PDE11A: variants seen among roughly 807,000 people sequenced by gnomAD.
PDE11A encodes the protein phosphodiesterase 11A.
A neutral mutation model predicts 100.5 loss-of-function variants in PDE11A; 100 were observed. The observed-to-expected ratio is 1.00, with a 90% confidence interval of 0.85 to 1.18. The LOEUF is 1.18. PDE11A is among the 50% of genes most tolerant of loss of function. The probability of loss-of-function intolerance (pLI) is 0.00; values close to 1 mark genes in which losing one functional copy is unlikely to be tolerated. For missense variants in PDE11A, 1,141 were observed against 1,152.6 expected (o/e 0.99, Z 0.15); for synonymous variants, 381 against 420.8 (o/e 0.91, Z 1.16).
At chr2:177,875,963 C>T (rs1558986315) in intron 4 of PDE11A, 40 bp from the exon 5 acceptor site, 1 of 1,155,136 alleles carries the variant, frequency 8.7e-7, no homozygotes. Context: ...TCAATTAAAG[C>T]TTTATTGCCG....
intron 13 of PDE11A, among the ~76,000 whole-genome samples, chr2:177,703,720 A>C (rs2081235786): frequency 2.0e-5 from 3 of 152,326 alleles, no homozygotes; most frequent in Middle Eastern, 6.8e-3. Context: ...AGATGATCAG[A>C]AGTCACTCTG....
chr2:177,729,667 G>A (rs2081652428), intron 10 of PDE11A, among the ~76,000 whole-genome samples: 3 of 152,116 alleles, frequency 2.0e-5, no homozygotes, highest in Non-Finnish European at 4.4e-5. Flanking sequence ...TTGAGCTTTC[G>A]ATGTTACTTT....
chr2:177,725,350 AC>A (rs2105444332), intron 12 of PDE11A, among the ~76,000 whole-genome samples: 1 of 152,290 alleles, frequency 6.6e-6, no homozygotes, highest in East Asian at 1.9e-4. Flanking sequence ...ACTGACTGTA[AC>A]CCTTAGTTAA....
intron 9 of PDE11A, among the ~76,000 whole-genome samples, chr2:177,772,383 T>C (rs990139037): frequency 1.3e-5 from 2 of 152,212 alleles, no homozygotes; most frequent in African/African-American, 4.8e-5. Flanking sequence ...TTATAGGTAT[T>C]GTATTAATAT....
intron 10 of PDE11A, among the ~76,000 whole-genome samples, chr2:177,740,548 A>G (rs1347169440): frequency 2.0e-5 from 3 of 152,224 alleles, no homozygotes; most frequent in Admixed American, 6.5e-5. Context: ...GAGGTTAAGA[A>G]GATAAGCGAC....
chr2:177,935,613 G>A (rs576773248), intron 2 of PDE11A, among the ~76,000 whole-genome samples: 6 of 152,204 alleles, frequency 3.9e-5, no homozygotes, highest in Non-Finnish European at 7.4e-5. Flanking sequence ...TGGGGCCCTT[G>A]CCTCACCCTG....
intron 1 of PDE11A, among the ~76,000 whole-genome samples, chr2:178,053,401 A>G (rs1045448697): frequency 1.3e-5 from 2 of 152,252 alleles, no homozygotes; most frequent in African/African-American, 4.8e-5. Context: ...ACCCACAGCC[A>G]ATATCATACT....
At chr2:178,023,810 T>C (rs1315407448) in intron 1 of PDE11A, among the ~76,000 whole-genome samples, 1 of 152,224 alleles carries the variant, frequency 6.6e-6, no homozygotes, top group East Asian at 1.9e-4. Flanking sequence ...TATAAAGTTA[T>C]AATTGTAAAT....
At chr2:177,712,428 A>C (rs1016328976) in intron 12 of PDE11A, among the ~76,000 whole-genome samples, 2 of 151,994 alleles carry the variant, frequency 1.3e-5, no homozygotes, top group Non-Finnish European at 2.9e-5. Context: ...TTATCTTGTA[A>C]ATACCCTAAT....
chr2:178,003,108 AT>A (rs1437042846), intron 2 of PDE11A, among the ~76,000 whole-genome samples: 1 of 152,164 alleles, frequency 6.6e-6, no homozygotes, highest in Non-Finnish European at 1.5e-5. Flanking sequence ...GCAATTCAAA[AT>A]AGTGCAGCTG....
intron 2 of PDE11A, among the ~76,000 whole-genome samples, chr2:177,973,323 G>A (rs1474335252): frequency 9.8e-6 from 1 of 101,798 alleles, no homozygotes; most frequent in African/African-American, 4.0e-5. Context: ...AGAAAGGGGT[G>A]ACGGACGCAC....
chr2:177,773,528 G>A (rs1250681353), intron 9 of PDE11A, among the ~76,000 whole-genome samples: 1 of 152,146 alleles, frequency 6.6e-6, no homozygotes, highest in South Asian at 2.1e-4. Context: ...TAGACCTAAA[G>A]CTTTTTTGGA....
chr2:177,999,601 T>G (rs1180030628), intron 2 of PDE11A, among the ~76,000 whole-genome samples: 1 of 152,174 alleles, frequency 6.6e-6, no homozygotes, highest in African/African-American at 2.4e-5. Context: ...TGCTACCCAA[T>G]GCTATTAAAC....
At chr2:177,869,993 C>A (rs1031820704) in intron 5 of PDE11A, among the ~76,000 whole-genome samples, 21 of 152,188 alleles carry the variant, frequency 1.4e-4, no homozygotes, top group African/African-American at 5.1e-4. Flanking sequence ...ATGTTCCACA[C>A]CTTAATAACA....
intron 1 of PDE11A, among the ~76,000 whole-genome samples, chr2:178,029,695 AATTGAAGACAATTCAATATAT>A (rs1025570576): frequency 1.3e-5 from 2 of 152,238 alleles, no homozygotes; most frequent in African/African-American, 4.8e-5. Context: ...TATTGAAGAC[AATTGAAGACAATTCAATATAT>A]ATTGAAGACA....
At chr2:177,997,576 T>C in intron 2 of PDE11A, 1 of 897,294 alleles carries the variant, frequency 1.1e-6, no homozygotes, top group South Asian at 1.3e-5. Context: ...TGTTCTCACC[T>C]GTTTCACCTG....
At chr2:177,655,441 T>A (rs1166329490) in intron 19 of PDE11A, among the ~76,000 whole-genome samples, 2 of 152,182 alleles carry the variant, frequency 1.3e-5, no homozygotes, top group Non-Finnish European at 2.9e-5. Flanking sequence ...TCATGCATAA[T>A]GTTGGAAGGA....
In PDE11A at chr2:177,644,622, G is replaced by C. The variant is rs4893836; in HGVS notation, c.2647-15060C>G. 2.9e-3 allele frequency among the ~76,000 whole-genome samples: 436 copies of C among 152,304 alleles called. 2 individuals are homozygous for C. Among genetic ancestry groups the C allele is most frequent in the African/African-American group, 0.01 (417 of 41,570 alleles). On this transcript the variant is annotated intron_variant, in intron 19 of 19. Transcript: ENST00000286063. ...TGAGTTAATGCTGAAATGAGCTAAG[G>C]CTTTGGGGGACCGTTGGGAAAACAT...
intron 2 of PDE11A, among the ~76,000 whole-genome samples, chr2:178,088,858 C>T (rs2087388359): frequency 6.6e-6 from 1 of 152,160 alleles, no homozygotes; most frequent in Admixed American, 6.5e-5. Flanking sequence ...AATCCTTTTC[C>T]TACTGGATAT....
Sources: allele counts gnomAD v4.1 joint callset (sites outside exome capture counted in the v4.1 genomes callset), GRCh38; gene constraint gnomAD v4.1.1; transcripts MANE v1.5; gene names NCBI Gene and HGNC (gene_info 2026-07-23, HGNC 2026-07-21).